The following KIAA1549L variants were observed in gnomAD, a reference collection of about 807,000 sequenced individuals.
KIAA1549L encodes UPF0606 protein KIAA1549L.
A neutral mutation model predicts 160.7 loss-of-function variants in KIAA1549L; 88 were observed. The observed-to-expected ratio is 0.55, with a 90% CI of 0.46 to 0.65. The LOEUF (loss-of-function observed/expected upper bound fraction) is 0.65. KIAA1549L is among the 30% of genes least tolerant of loss of function. The pLI, the probability that KIAA1549L is intolerant of heterozygous loss-of-function variation, is 0.00. For synonymous variants in KIAA1549L, 950 were observed against 976.7 expected (o/e 0.97, Z 0.51); for missense variants, 2,258 against 2,437.5 (o/e 0.93, Z 1.55).
intron 1 of KIAA1549L, among the ~76,000 whole-genome samples, chr11:33,538,902 T>G (rs1309636270): frequency 3.3e-5 from 5 of 152,252 alleles, no homozygotes; most frequent in Non-Finnish European, 7.3e-5. Flanking sequence ...TAGTCAACTC[T>G]GCCTACAGAT....
intron 1 of KIAA1549L, among the ~76,000 whole-genome samples, chr11:33,497,176 A>T (rs776165306): frequency 1.3e-5 from 2 of 152,104 alleles, no homozygotes; most frequent in African/African-American, 2.4e-5. Context: ...GTCCTATTTA[A>T]CTTTTTCCCC....
intron 4 of KIAA1549L, among the ~76,000 whole-genome samples, chr11:33,548,904 C>T (rs1286554268): frequency 1.3e-5 from 2 of 152,100 alleles, no homozygotes; most frequent in Non-Finnish European, 1.5e-5. Flanking sequence ...AAAGGAGATT[C>T]GGCACATACT....
chr11:33,660,981 AGAGAAT>A lies in KIAA1549L; in HGVS notation c.6130_6135del (p.Asn2044_Glu2045del). 6.2e-7 allele frequency: 1 copy of A among 1,611,742 alleles called. No individual in the cohort carries two copies. Among genetic ancestry groups the A allele is most frequent in the Non-Finnish European group, 8.5e-7 (1 of 1,178,936 alleles). On this transcript the variant is annotated inframe_deletion, in exon 20 of 21. Transcript: ENST00000658780. Reference sequence around the variant, plus strand: ...ACCAGGCCTGGATGTCCTATGCAGGAGAGAATGAGCTCCCGAGCCAGTGGGCAGATT... The same window carrying A: ...ACCAGGCCTGGATGTCCTATGCAGGAGAGCTCCCGAGCCAGTGGGCAGATT...
At chr11:33,575,961 T>G (rs556383280) in intron 10 of KIAA1549L, among the ~76,000 whole-genome samples, 1 of 152,044 alleles carries the variant, frequency 6.6e-6, no homozygotes, top group East Asian at 1.9e-4. Flanking sequence ...TTAGGAAGCT[T>G]AATTGGTCAG....
At chr11:33,617,453 G>A (rs989943246) in intron 15 of KIAA1549L, among the ~76,000 whole-genome samples, 1 of 152,162 alleles carries the variant, frequency 6.6e-6, no homozygotes, top group African/African-American at 2.4e-5. Flanking sequence ...CAGTAGCTGA[G>A]TGGAGTCCCT....
intron 12 of KIAA1549L, among the ~76,000 whole-genome samples, chr11:33,595,757 A>G (rs955269730): frequency 1.3e-5 from 2 of 152,184 alleles, no homozygotes; most frequent in African/African-American, 2.4e-5. Flanking sequence ...CTAGATAAAG[A>G]CTGCCTTCCC....
In KIAA1549L at chr11:33,579,108, G is replaced by A. The variant is rs188985491; in HGVS notation, c.4403-4230G>A. Among the ~76,000 whole-genome samples, 3 of 152,278 alleles carry A rather than the reference G, an allele frequency of 2.0e-5. No homozygotes were observed. The East Asian group carries it at 5.8e-4, about 29-fold the overall frequency. ...CCCTGCTCTTCCACTTTCTAGTTAT[G>A]GAGCTTGGAGTCAAGTTAATTAGCC... is the stretch of plus-strand genomic sequence containing the variant. On this transcript the variant is annotated intron_variant, in intron 10 of 20. Transcript: ENST00000658780.
rs111980515 is a variant in KIAA1549L, at chr11:33,514,880, A to G, written c.239-26922A>G. Among the ~76,000 whole-genome samples, 3 of 152,366 alleles carry G rather than the reference A, an allele frequency of 2.0e-5. 1 individual carries two copies. Among genetic ancestry groups the G allele is most frequent in the African/African-American group, 7.2e-5 (3 of 41,596 alleles). ...GCTTATGAAGCTAAGTCATCAGAGTAGATTCTAAGTAGCTGATATCTTGTT... is the reference window on the plus strand; with the variant it reads ...GCTTATGAAGCTAAGTCATCAGAGTGGATTCTAAGTAGCTGATATCTTGTT... On this transcript the variant is annotated intron_variant, in intron 1 of 20. Coordinates refer to ENST00000658780, the MANE Select transcript of KIAA1549L (RefSeq NM_012194.3).
intron 3 of KIAA1549L, among the ~76,000 whole-genome samples, chr11:33,546,680 A>T (rs1489308020): frequency 2.0e-5 from 3 of 152,058 alleles, no homozygotes; most frequent in African/African-American, 7.2e-5. Flanking sequence ...CTCATTTCCC[A>T]TTGCCCTTAG....
intron 17 of KIAA1549L, among the ~76,000 whole-genome samples, chr11:33,653,779 C>T (rs1012850055): frequency 8.6e-5 from 13 of 151,990 alleles, no homozygotes; most frequent in African/African-American, 2.9e-4. Context: ...TCTATCTTCT[C>T]GGCCCATTGT....
At chr11:33,592,909 C>A (rs1169792952) in intron 12 of KIAA1549L, among the ~76,000 whole-genome samples, 1 of 152,144 alleles carries the variant, frequency 6.6e-6, no homozygotes, top group Non-Finnish European at 1.5e-5. Flanking sequence ...GTTTGTGCAT[C>A]GCCCAGAGGA....
chr11:33,445,036 C>G (rs775997779), intron 1 of KIAA1549L, among the ~76,000 whole-genome samples: 1 of 152,180 alleles, frequency 6.6e-6, no homozygotes, highest in Admixed American at 6.5e-5. Flanking sequence ...GAGTGAAGTC[C>G]AGGGATGCAG....
At chr11:33,605,555 C>T (rs990638095) in intron 13 of KIAA1549L, among the ~76,000 whole-genome samples, 2 of 152,074 alleles carry the variant, frequency 1.3e-5, no homozygotes, top group African/African-American at 4.8e-5. Context: ...GTGTTTTAGC[C>T]ACTTTGTAAA....
chr11:33,669,631 T>C lies in KIAA1549L; in HGVS notation c.*1477T>C, dbSNP rs1381959007. The C allele has an allele frequency of 2.0e-5, 3 of 152,218 alleles. No individual in the cohort carries two copies. Among genetic ancestry groups the C allele is most frequent in the Non-Finnish European group, 4.4e-5 (3 of 68,044 alleles). 9.4% of individuals were successfully genotyped at this position (152,218 alleles called of 1,614,324 possible). A position where few individuals can be genotyped will look rare whatever the true frequency, so the allele number is the denominator to read the frequency against. Reference sequence around the variant, plus strand: ...CCCATCTTCCATTGTCCTCAACGAGTTTCTTTGGTCTTTACTGAAAGAAGA... The same window carrying C: ...CCCATCTTCCATTGTCCTCAACGAGCTTCTTTGGTCTTTACTGAAAGAAGA... On this transcript the variant is annotated 3_prime_UTR_variant, in exon 21 of 21. Coordinates refer to ENST00000658780, the MANE Select transcript of KIAA1549L (RefSeq NM_012194.3).
chr11:33,596,030 G>A (rs1850189793), intron 12 of KIAA1549L, among the ~76,000 whole-genome samples: 1 of 152,118 alleles, frequency 6.6e-6, no homozygotes, highest in Non-Finnish European at 1.5e-5. Flanking sequence ...TGTTTGCAAA[G>A]GGCACTTCAG....
intron 1 of KIAA1549L, among the ~76,000 whole-genome samples, chr11:33,417,288 C>T (rs1850907492): frequency 1.3e-5 from 2 of 152,286 alleles, no homozygotes; most frequent in Admixed American, 1.3e-4. Flanking sequence ...CACTGCCGCA[C>T]AGGCACACAG....
Position 33,542,456 on chromosome 11 carries a change from T to C in KIAA1549L, c.893T>C (p.Met298Thr). ...CCCTTAATCCCATTTTCTGATGAAA[T>C]GGACCACACTGCATCCCAAAATGCC... is the stretch of plus-strand genomic sequence containing the variant. ...ANPLIPFSDE[M>T]DHTASQNAQD... Residue 298 changes from methionine (M) to threonine (T), a missense_variant, in exon 2 of 21, where the codon ATG (methionine) becomes ACG (threonine). Met to Thr is a moderately conservative substitution (Grantham distance 81, BLOSUM62 -1). Transcript: ENST00000658780. The C allele has an allele frequency of 1.2e-6, 2 of 1,609,236 alleles. No homozygotes were observed. The highest frequency in any genetic ancestry group is 1.3e-5 in the African/African-American group (1 of 74,896).
chr11:33,407,882 A>G (rs1850699880), intron 1 of KIAA1549L, among the ~76,000 whole-genome samples: 2 of 151,034 alleles, frequency 1.3e-5, no homozygotes, highest in African/African-American at 4.9e-5. Flanking sequence ...TTCATCCTCA[A>G]CCCCCACATT....
intron 8 of KIAA1549L, among the ~76,000 whole-genome samples, chr11:33,564,091 G>A (rs1235747725): frequency 6.6e-6 from 1 of 152,082 alleles, no homozygotes; most frequent in East Asian, 1.9e-4. Context: ...TTCCATCACT[G>A]TGTTTAGGGC....
Sources: allele counts gnomAD v4.1 joint callset (sites outside exome capture counted in the v4.1 genomes callset), GRCh38; gene constraint gnomAD v4.1.1; transcripts MANE v1.5; gene names NCBI Gene and HGNC (gene_info 2026-07-23, HGNC 2026-07-21).